The following RABL3 variants were observed in gnomAD, a reference collection of about 807,000 sequenced individuals.
RABL3 encodes the protein rab-like protein 3.
In RABL3, 31 loss-of-function variants were observed where a neutral mutation model predicts 31.8. That is an observed-to-expected ratio of 0.97 (90% CI 0.73 to 1.31). RABL3 has a LOEUF of 1.31. Among genes scored for constraint, RABL3 ranks in the 40% most tolerant of loss-of-function variants. RABL3 has a pLI of 0.00. For missense variants in RABL3, 263 were observed against 279.6 expected, an observed-to-expected ratio of 0.94 and a Z score of 0.42; for synonymous variants, 97 against 99.9, an observed-to-expected ratio of 0.97 and a Z score of 0.18.
In RABL3 at chr3:120,685,902, C is replaced by G. The variant is rs530093823; in HGVS notation, c.*3921G>C. Among the ~76,000 whole-genome samples, 2 of 152,276 alleles carry G rather than the reference C, an allele frequency of 1.3e-5. No individual in the cohort carries two copies. The highest frequency in any genetic ancestry group is 4.8e-5 in the African/African-American group (2 of 41,564). On this transcript the variant is annotated 3_prime_UTR_variant, in exon 8 of 8. Transcript: ENST00000273375. Reference sequence around the variant, plus strand: ...GAGAGTAAGGGAAGAGAGAGGAAATCGTGGAATCTGCATTTTCAGCAAGCA... The same window carrying G: ...GAGAGTAAGGGAAGAGAGAGGAAATGGTGGAATCTGCATTTTCAGCAAGCA...
intron 2 of RABL3, among the ~76,000 whole-genome samples, chr3:120,712,421 CAT>C (rs1708622815): frequency 6.6e-6 from 1 of 152,080 alleles, no homozygotes; most frequent in Non-Finnish European, 1.5e-5. Context: ...GCAGAAAAAA[CAT>C]ATGTTTTAGC....
At chr3:120,714,078 G>A (rs1433435617) in intron 2 of RABL3, among the ~76,000 whole-genome samples, 1 of 152,138 alleles carries the variant, frequency 6.6e-6, no homozygotes, top group Non-Finnish European at 1.5e-5. Context: ...CCAAAGTGCT[G>A]GGATTACAGG....
chr3:120,717,931 T>C (rs1708689619), intron 2 of RABL3, among the ~76,000 whole-genome samples: 1 of 152,248 alleles, frequency 6.6e-6, no homozygotes, highest in East Asian at 1.9e-4. Flanking sequence ...TACAGGGGAC[T>C]GCTGAGATAA....
At chr3:120,726,067 T>C (rs1432198196) in intron 2 of RABL3, among the ~76,000 whole-genome samples, 2 of 152,184 alleles carry the variant, frequency 1.3e-5, no homozygotes, top group East Asian at 3.8e-4. Context: ...TCCTCCCACC[T>C]GGCCTCCCAA....
chr3:120,719,593 C>T (rs894359729), intron 2 of RABL3, among the ~76,000 whole-genome samples: 2 of 152,328 alleles, frequency 1.3e-5, no homozygotes, highest in East Asian at 1.9e-4. Flanking sequence ...CACGAAGCCT[C>T]GCTCATTGCT....
intron 4 of RABL3, among the ~76,000 whole-genome samples, chr3:120,701,925 T>C (rs374533724): frequency 2.0e-5 from 3 of 152,252 alleles, no homozygotes; most frequent in East Asian, 1.9e-4. Flanking sequence ...GAAAAATTAA[T>C]AGTGAGCATA....
chr3:120,730,734 T>C lies in RABL3; in HGVS notation c.100A>G (p.Asn34Asp). ...HLLCQNQVLG[N>D]PSWTVGCSVD... ...GAGCAGCCCACAGTCCATGATGGAT[T>C]TCCCAGCACTTGATTTTGGCATAGG... Residue 34 changes from asparagine to aspartate, a missense_variant, in exon 2 of 8, where the codon AAT becomes GAT. By Grantham distance (23) the Asn-to-Asp change is conservative (BLOSUM62 1). Coordinates refer to ENST00000273375, the MANE Select transcript of RABL3 (RefSeq NM_173825.5). The C allele has an allele frequency of 6.2e-7, 1 of 1,613,962 alleles. No individual in the cohort carries two copies. Among genetic ancestry groups the C allele is most frequent in the Non-Finnish European group, 8.5e-7 (1 of 1,179,888 alleles).
chr3:120,741,508 C>G (rs535628308), intron 1 of RABL3, among the ~76,000 whole-genome samples: 1 of 152,096 alleles, frequency 6.6e-6, no homozygotes, highest in African/African-American at 2.4e-5. Flanking sequence ...CAGAGGAGCG[C>G]TTCTATAAAA....
Position 120,687,481 on chromosome 3 carries a change from CTTGT to C in RABL3, c.*2338_*2341del, listed in dbSNP as rs1327629901. 4.6e-5 allele frequency: 7 copies of C among 152,258 alleles called. No individual in the cohort carries two copies. The East Asian group carries it at 7.7e-4, about 17-fold the overall frequency. The allele number at this position is 152,258 out of a possible 1,614,324, so 9.4% of individuals were successfully genotyped here. A position where few individuals can be genotyped will look rare whatever the true frequency, so the allele number is the denominator to read the frequency against. ...TTAAAAAAATATTTTGACATTTATA[CTTGT>C]TTATTATCTAAAAGCATTTTTATGA... On this transcript the variant is annotated 3_prime_UTR_variant, in exon 8 of 8. Coordinates refer to ENST00000273375, the MANE Select transcript of RABL3 (RefSeq NM_173825.5).
chr3:120,687,575 ACATT>A lies in RABL3; in HGVS notation c.*2244_*2247del, dbSNP rs1248854361. ...CTTTTTTGAATAACTCTAGCTAATA[ACATT>A]CATTTGCGCAAAAAGCCTTATTATG... On this transcript the variant is annotated 3_prime_UTR_variant, in exon 8 of 8. Coordinates refer to ENST00000273375, the MANE Select transcript of RABL3 (RefSeq NM_173825.5). 1 of 152,194 alleles carries A rather than the reference ACATT, an allele frequency of 6.6e-6. No homozygotes were observed. The highest frequency in any genetic ancestry group is 1.5e-5 in the Non-Finnish European group (1 of 68,040). The allele number at this position is 152,194 out of a possible 1,614,324, so 9.4% of individuals were successfully genotyped here.
In RABL3 at chr3:120,689,756, G is replaced by A; in HGVS notation, c.*67C>T. 9.5e-7 allele frequency: 1 copy of A among 1,053,748 alleles called. No homozygotes were observed. The highest frequency in any genetic ancestry group is 1.5e-6 in the Non-Finnish European group (1 of 676,408). 65.3% of individuals were successfully genotyped at this position (1,053,748 alleles called of 1,614,324 possible). A position where few individuals can be genotyped will look rare whatever the true frequency, so the allele number is the denominator to read the frequency against. On this transcript the variant is annotated 3_prime_UTR_variant, in exon 8 of 8. Transcript: ENST00000273375. ...TTAAAAGGCTGTGATGGTAATAATT[G>A]AACACAGCAAGATGAGCTGTGAAAA...
At chr3:120,718,720 A>C (rs1447913737) in intron 2 of RABL3, among the ~76,000 whole-genome samples, 1 of 152,238 alleles carries the variant, frequency 6.6e-6, no homozygotes, top group Non-Finnish European at 1.5e-5. Flanking sequence ...CTTATAAGAG[A>C]CATCCCATAG....
chr3:120,726,122 A>G (rs1437400732), intron 2 of RABL3, among the ~76,000 whole-genome samples: 1 of 152,088 alleles, frequency 6.6e-6, no homozygotes, highest in Non-Finnish European at 1.5e-5. Context: ...GGCCTACTCA[A>G]CACCTCTGGG....
intron 1 of RABL3, among the ~76,000 whole-genome samples, chr3:120,735,334 A>C: frequency 6.6e-6 from 1 of 152,058 alleles, no homozygotes; most frequent in Non-Finnish European, 1.5e-5. Context: ...ATTTGCGTAG[A>C]GGTGTTTTTA....
At chr3:120,694,833 C>G (rs1242110558) in intron 5 of RABL3, among the ~76,000 whole-genome samples, 1 of 151,792 alleles carries the variant, frequency 6.6e-6, no homozygotes, top group Non-Finnish European at 1.5e-5. Context: ...TATTACTACT[C>G]TTTGATGGAA....
chr3:120,689,751 T>C lies in RABL3; in HGVS notation c.*72A>G. ...TTTTGTTAAAAGGCTGTGATGGTAA[T>C]AATTGAACACAGCAAGATGAGCTGT... On this transcript the variant is annotated 3_prime_UTR_variant, in exon 8 of 8. Transcript: ENST00000273375. The C allele has an allele frequency of 9.9e-7, 1 of 1,007,996 alleles. No homozygotes were observed. Among genetic ancestry groups the C allele is most frequent in the Non-Finnish European group, 1.6e-6 (1 of 636,008 alleles). The allele number at this position is 1,007,996 out of a possible 1,614,324, so 62.4% of individuals were successfully genotyped here.
chr3:120,725,173 G>A (rs558255865), intron 2 of RABL3, among the ~76,000 whole-genome samples: 5 of 152,284 alleles, frequency 3.3e-5, no homozygotes, highest in Admixed American at 2.0e-4. Flanking sequence ...AGACATTTAT[G>A]CAGCCAAAAG....
chr3:120,709,782 T>G lies in RABL3; in HGVS notation c.266A>C (p.Asn89Thr), dbSNP rs988010682. Residue 89 changes from asparagine to threonine, a missense_variant and splice_region_variant, in exon 3 of 8, where the codon AAT becomes ACT. Transcript: ENST00000273375. ...STRAVFYNSVNGIIFVHDLTN... is the reference protein window; with the variant it reads ...STRAVFYNSVTGIIFVHDLTN... ...ATAGAAATTTAAAAATGTTTTACCA[T>G]TTACGGAGTTGTAGAATACTGCTCT... 9.3e-6 allele frequency: 15 copies of G among 1,606,788 alleles called. No individual in the cohort carries two copies. Among genetic ancestry groups the G allele is most frequent in the African/African-American group, 1.3e-5 (1 of 74,626 alleles).
intron 2 of RABL3, among the ~76,000 whole-genome samples, chr3:120,721,848 T>G (rs988175787): frequency 3.3e-5 from 5 of 152,048 alleles, no homozygotes; most frequent in Non-Finnish European, 7.4e-5. Context: ...TCTACAGAAC[T>G]CTCCATCCCA....
Sources: allele counts gnomAD v4.1 joint callset (sites outside exome capture counted in the v4.1 genomes callset), GRCh38; gene constraint gnomAD v4.1.1; transcripts MANE v1.5; gene names NCBI Gene and HGNC (gene_info 2026-07-23, HGNC 2026-07-21).